Variants in PTGIS observed in about 807,000 individuals in gnomAD.
The protein encoded by PTGIS is prostaglandin I2 synthase, also known as prostacyclin synthase.
PTGIS carries 45 observed loss-of-function variants against 50.3 expected under a neutral mutation model. The observed-to-expected ratio is 0.90, with a 90% CI of 0.70 to 1.15. The LOEUF is 1.15. PTGIS is among the 50% of genes most tolerant of loss of function. The pLI, the probability that PTGIS is intolerant of heterozygous loss-of-function variation, is 0.00. For missense variants in PTGIS, 668 were observed against 661.3 expected (o/e 1.01, Z -0.11); for synonymous variants, 260 against 267.7 (o/e 0.97, Z 0.28).
At chr20:49,529,094 A>G (rs1981867671) in intron 5 of PTGIS, among the ~76,000 whole-genome samples, 1 of 152,224 alleles carries the variant, frequency 6.6e-6, no homozygotes, top group Admixed American at 6.5e-5. Flanking sequence ...TAATTAGCAT[A>G]TCCATCACCT....
rs1336781230 is a variant in PTGIS at position 49,539,615 on chromosome 20, G to A, written c.628C>T (p.Leu210Phe). ...SADVFHTFRQ[L>F]DRLLPKLARG... is the part of the protein sequence containing the mutation. ...GCCAGTTTGGGGAGCAGCCGGTCGA[G>A]CTGGCGAAAGGTGTGGAAGACATCA... Residue 210 changes from leucine to phenylalanine, a missense_variant, in exon 5 of 10, where the codon CTC becomes TTC. Transcript: ENST00000244043. The A allele has an allele frequency of 1.2e-6, 2 of 1,614,058 alleles. No individual in the cohort carries two copies. The highest frequency in any genetic ancestry group is 1.1e-5 in the South Asian group (1 of 91,028).
At position 49,507,870 on chromosome 20, in the gene PTGIS, C is replaced by T. The variant is rs1475376348; in HGVS notation, c.*50G>A. ...CAGAAAGCTGGGAGGCTGGGGCAGGCTGGGGCAGGCTGGGCAGAGGCGAGC... is the reference window on the plus strand; with the variant it reads ...CAGAAAGCTGGGAGGCTGGGGCAGGTTGGGGCAGGCTGGGCAGAGGCGAGC... On this transcript the variant is annotated 3_prime_UTR_variant, in exon 10 of 10. Coordinates refer to ENST00000244043, the MANE Select transcript of PTGIS (RefSeq NM_000961.4). 1 of 1,603,294 alleles carries T rather than the reference C, an allele frequency of 6.2e-7. No individual in the cohort carries two copies. The highest frequency in any genetic ancestry group is 1.1e-5 in the South Asian group (1 of 90,924).
intron 5 of PTGIS, among the ~76,000 whole-genome samples, chr20:49,537,611 C>G (rs1982113338): frequency 6.6e-6 from 1 of 151,926 alleles, no homozygotes; most frequent in South Asian, 2.1e-4. Flanking sequence ...AAAAAATAAC[C>G]AGGCGTGGTG....
intron 5 of PTGIS, among the ~76,000 whole-genome samples, chr20:49,536,742 C>T (rs1053103437): frequency 6.6e-6 from 1 of 152,128 alleles, no homozygotes; most frequent in Non-Finnish European, 1.5e-5. Context: ...CACGGCCTCC[C>T]AAAGTGCTGG....
intron 1 of PTGIS, among the ~76,000 whole-genome samples, chr20:49,560,648 A>AG (rs1248206176): frequency 6.6e-6 from 1 of 152,236 alleles, no homozygotes; most frequent in East Asian, 1.9e-4. Context: ...AAAGACCAGA[A>AG]GGATGTGAAG....
chr20:49,567,944 T>TCGGGC lies in PTGIS; in HGVS notation c.74+94_74+98dup. 6 of 1,192,776 alleles carry TCGGGC rather than the reference T, an allele frequency of 5.0e-6. No homozygotes were observed. The South Asian group carries it at 9.8e-5, about 19-fold the overall frequency. 73.9% of individuals were successfully genotyped at this position (1,192,776 alleles called of 1,614,324 possible). On this transcript the variant is annotated intron_variant, in intron 1 of 9. Coordinates refer to ENST00000244043, the MANE Select transcript of PTGIS (RefSeq NM_000961.4). ...CTTGCCCGGGATACTGGAGCGGGAC[T>TCGGGC]CGGGCCGGGCCGGCCGCGGGCTCCG...
At chr20:49,544,530 G>A in intron 3 of PTGIS, 82 bp from the exon 4 acceptor site, 2 of 1,532,552 alleles carry the variant, frequency 1.3e-6, no homozygotes, top group Non-Finnish European at 1.8e-6. Context: ...CCAAACCTAA[G>A]GGTCCCAGAG....
intron 5 of PTGIS, among the ~76,000 whole-genome samples, chr20:49,538,525 C>T (rs977201099): frequency 6.6e-6 from 1 of 152,084 alleles, no homozygotes; most frequent in Non-Finnish European, 1.5e-5. Context: ...AGGGCACATA[C>T]TGTGTGATTC....
intron 6 of PTGIS, among the ~76,000 whole-genome samples, chr20:49,521,997 T>C (rs1194181408): frequency 2.6e-5 from 4 of 152,076 alleles, no homozygotes; most frequent in African/African-American, 9.7e-5. Flanking sequence ...TGCCCTGTTT[T>C]TGCTTTTGCC....
In PTGIS at chr20:49,550,168, C is replaced by T. The variant is rs1449121532; in HGVS notation, c.96G>A (p.Leu32=). 1.4e-5 allele frequency: 22 copies of T among 1,613,616 alleles called. No individual in the cohort carries two copies. The highest frequency in any genetic ancestry group is 1.9e-5 in the Non-Finnish European group (22 of 1,180,030). Residue 32 remains leucine (L), a synonymous_variant, in exon 2 of 10, where the codon CTG becomes CTA. Coordinates refer to ENST00000244043, the MANE Select transcript of PTGIS (RefSeq NM_000961.4). ...RRTRRPGEPP[L]DLGSIPWLGY... is the part of the protein sequence containing the mutation. ...CCAACCAGGGGATGCTGCCCAGGTC[C>T]AGGGGAGGCTCACCAGGTCGCCTAC...
chr20:49,533,594 T>G (rs1166234328), intron 5 of PTGIS, among the ~76,000 whole-genome samples: 1 of 152,114 alleles, frequency 6.6e-6, no homozygotes, highest in Non-Finnish European at 1.5e-5. Context: ...GTCCACATCT[T>G]GTAAAAAATG....
chr20:49,565,442 G>A (rs1982873106), intron 1 of PTGIS, among the ~76,000 whole-genome samples: 1 of 152,058 alleles, frequency 6.6e-6, no homozygotes, highest in African/African-American at 2.4e-5. Flanking sequence ...GCTGCGGTGG[G>A]AGGATCGCTT....
At chr20:49,519,106 G>A (rs1981575983) in intron 6 of PTGIS, among the ~76,000 whole-genome samples, 1 of 152,074 alleles carries the variant, frequency 6.6e-6, no homozygotes, top group Non-Finnish European at 1.5e-5. Flanking sequence ...AGGGAAGCCT[G>A]ACCTGTGTTT....
chr20:49,525,948 C>T (rs1303433486), intron 5 of PTGIS, among the ~76,000 whole-genome samples: 1 of 152,094 alleles, frequency 6.6e-6, no homozygotes, highest in Non-Finnish European at 1.5e-5. Flanking sequence ...AAATAATACG[C>T]TGAATATGTT....
intron 4 of PTGIS, among the ~76,000 whole-genome samples, chr20:49,542,369 T>C (rs1982253345): frequency 6.6e-6 from 1 of 152,188 alleles, no homozygotes; most frequent in Non-Finnish European, 1.5e-5. Context: ...TGGAAAGGCC[T>C]ACAGCTGCCA....
chr20:49,551,593 A>G (rs760803420), intron 1 of PTGIS, among the ~76,000 whole-genome samples: 5 of 152,190 alleles, frequency 3.3e-5, no homozygotes, highest in Non-Finnish European at 7.3e-5. Flanking sequence ...CCTAAAATGT[A>G]CAAACCGAGC....
At chr20:49,545,649 G>A (rs946087475) in intron 3 of PTGIS, among the ~76,000 whole-genome samples, 6 of 152,080 alleles carry the variant, frequency 3.9e-5, no homozygotes, top group African/African-American at 1.4e-4. Flanking sequence ...CCAAGAAAGG[G>A]GTATCTTGCA....
At chr20:49,510,581 G>C (rs574575765) in intron 9 of PTGIS, among the ~76,000 whole-genome samples, 1 of 152,218 alleles carries the variant, frequency 6.6e-6, no homozygotes, top group South Asian at 2.1e-4. Context: ...TGTGATCCTG[G>C]TGGCCAAAGC....
At chr20:49,543,593 C>G (rs1982285032) in intron 4 of PTGIS, among the ~76,000 whole-genome samples, 1 of 152,176 alleles carries the variant, frequency 6.6e-6, no homozygotes, top group African/African-American at 2.4e-5. Context: ...AGCTTCCTCC[C>G]ACCTCTGGGC....
Sources: allele counts gnomAD v4.1 joint callset (sites outside exome capture counted in the v4.1 genomes callset), GRCh38; gene constraint gnomAD v4.1.1; transcripts MANE v1.5; gene names NCBI Gene and HGNC (gene_info 2026-07-23, HGNC 2026-07-21).